GPATCH2L: variants seen among roughly 807,000 people sequenced by gnomAD.
GPATCH2L encodes the protein G-patch domain containing 2 like, also known as G patch domain-containing protein 2-like.
In GPATCH2L, 31 loss-of-function variants were observed where a neutral mutation model predicts 57.4. That is an observed-to-expected ratio of 0.54 (90% CI 0.41 to 0.73). The LOEUF (loss-of-function observed/expected upper bound fraction) is 0.73, where lower values mean the gene tolerates loss of function less well. GPATCH2L is among the 30% of genes least tolerant of loss of function. GPATCH2L has a pLI of 0.00. For missense variants in GPATCH2L, 481 were observed against 599.9 expected (o/e 0.80, Z 2.07); for synonymous variants, 199 against 210.7 (o/e 0.94, Z 0.48).
Position 76,204,688 on chromosome 14 carries a change from GCT to G in GPATCH2L, c.*2839_*2840del, listed in dbSNP as rs1352682357. 1 of 152,188 alleles carries G rather than the reference GCT, an allele frequency of 6.6e-6. No homozygotes were observed. Among genetic ancestry groups the G allele is most frequent in the Non-Finnish European group, 1.5e-5 (1 of 68,038 alleles). 9.4% of individuals were successfully genotyped at this position (152,188 alleles called of 1,614,324 possible). On this transcript the variant is annotated 3_prime_UTR_variant, in exon 10 of 10. Coordinates refer to ENST00000261530, the MANE Select transcript of GPATCH2L (RefSeq NM_017926.4). The stretch of plus-strand genomic sequence containing the variant: ...GACTTACTTTGAGGATGATCCTTGA[GCT>G]CATGTATTTGATCTGCTCAAAAGTA...
In GPATCH2L at chr14:76,212,353, G is replaced by GT. The variant is rs2040450735; in HGVS notation, c.*10504dup. On this transcript the variant is annotated 3_prime_UTR_variant, in exon 10 of 10. Coordinates refer to ENST00000261530, the MANE Select transcript of GPATCH2L (RefSeq NM_017926.4). ...CAAGCAAACACAAACAAGAAAATGA[G>GT]TTGTAGTCTGCATATCAGGCAAGGT... 6.6e-6 allele frequency: 1 copy of GT among 151,374 alleles called. No individual in the cohort carries two copies. The highest frequency in any genetic ancestry group is 2.1e-4 in the South Asian group (1 of 4,784). The allele number at this position is 151,374 out of a possible 1,614,324, so 9.4% of individuals were successfully genotyped here.
chr14:76,229,919 C>G (rs189409152), exon 2 of GPATCH2L: 2 of 152,636 alleles, frequency 1.3e-5, no homozygotes, highest in African/African-American at 4.8e-5. Context: ...CTCCACCTTC[C>G]CGTCAGTTTC....
chr14:76,181,925 G>C (rs2039573877), intron 8 of GPATCH2L, among the ~76,000 whole-genome samples: 1 of 152,078 alleles, frequency 6.6e-6, no homozygotes, highest in Admixed American at 6.5e-5. Flanking sequence ...TACTTTCATG[G>C]ATACAGTTAG....
chr14:76,213,142 G>A lies in GPATCH2L; in HGVS notation c.*11291G>A, dbSNP rs1281027285. 2.6e-5 allele frequency: 4 copies of A among 151,980 alleles called. No homozygotes were observed. The highest frequency in any genetic ancestry group is 9.7e-5 in the African/African-American group (4 of 41,394). 9.4% of individuals were successfully genotyped at this position (151,980 alleles called of 1,614,324 possible). A position where few individuals can be genotyped will look rare whatever the true frequency, so the allele number is the denominator to read the frequency against. ...TTAATTAGAAAAATGAGGAAACAAA[G>A]CTAATTTTTAAAATATGTAGTAAAA... On this transcript the variant is annotated 3_prime_UTR_variant, in exon 10 of 10. Transcript: ENST00000261530.
chr14:76,214,111 A>G lies in GPATCH2L; in HGVS notation c.*12260A>G, dbSNP rs1174545430. ...TGTGAACTTTAGTATCAACTTGTCT[A>G]AATTCATTTTTTAAGGTACATTGGT... On this transcript the variant is annotated 3_prime_UTR_variant, in exon 10 of 10. Coordinates refer to ENST00000261530, the MANE Select transcript of GPATCH2L (RefSeq NM_017926.4). 6.6e-6 allele frequency: 1 copy of G among 152,204 alleles called. No individual in the cohort carries two copies. Among genetic ancestry groups the G allele is most frequent in the East Asian group, 1.9e-4 (1 of 5,202 alleles). The allele number at this position is 152,204 out of a possible 1,614,324, so 9.4% of individuals were successfully genotyped here. A position where few individuals can be genotyped will look rare whatever the true frequency, so the allele number is the denominator to read the frequency against.
At chr14:76,218,049 G>A (rs1338736744), downstream of GPATCH2L, among the ~76,000 whole-genome samples, 1 of 152,100 alleles carries the variant, frequency 6.6e-6, no homozygotes, top group Non-Finnish European at 1.5e-5. Flanking sequence ...TTTAATATTA[G>A]GAATAGCTGG....
At chr14:76,235,058 C>T (rs573538457) in intron 2 of GPATCH2L, 1 of 151,624 alleles carries the variant, frequency 6.6e-6, no homozygotes, top group East Asian at 1.9e-4. Context: ...ATCCCAGCTA[C>T]TTGGGAGGCT....
intron 8 of GPATCH2L, among the ~76,000 whole-genome samples, chr14:76,191,798 A>G (rs781310531): frequency 6.6e-6 from 1 of 152,152 alleles, no homozygotes; most frequent in African/African-American, 2.4e-5. Flanking sequence ...AGCATTCAAT[A>G]TCTTCCTTCT....
At chr14:76,219,090 TAAAAG>T (rs1233545775), downstream of GPATCH2L, among the ~76,000 whole-genome samples, 2 of 143,946 alleles carry the variant, frequency 1.4e-5, no homozygotes, top group South Asian at 2.2e-4. Context: ...CCAGAAGCCA[TAAAAG>T]AAAAGATTGC....
intron 1 of GPATCH2L, among the ~76,000 whole-genome samples, chr14:76,229,654 C>A (rs914475974): frequency 6.6e-6 from 1 of 152,062 alleles, no homozygotes; most frequent in Non-Finnish European, 1.5e-5. Context: ...CCAGCAATAA[C>A]CCTGATTTTC....
downstream of GPATCH2L, among the ~76,000 whole-genome samples, chr14:76,215,784 G>A (rs1287746316): frequency 1.9e-5 from 2 of 103,004 alleles, no homozygotes; most frequent in East Asian, 6.8e-4. Context: ...GGGGAGGGGG[G>A]AGGGATGGCA....
At chr14:76,182,627 T>C (rs1594960129) in intron 8 of GPATCH2L, among the ~76,000 whole-genome samples, 1 of 150,004 alleles carries the variant, frequency 6.7e-6, no homozygotes, top group Non-Finnish European at 1.5e-5. Flanking sequence ...TGGAAAATTG[T>C]GGAATGATAT....
intron 8 of GPATCH2L, among the ~76,000 whole-genome samples, chr14:76,187,824 A>C (rs1000969535): frequency 6.6e-6 from 1 of 151,920 alleles, no homozygotes; most frequent in Admixed American, 6.6e-5. Flanking sequence ...TCATTCTTTC[A>C]ATTTTTTTAT....
At chr14:76,191,631 T>C (rs1235163135) in intron 8 of GPATCH2L, among the ~76,000 whole-genome samples, 1 of 152,174 alleles carries the variant, frequency 6.6e-6, no homozygotes. Context: ...TTTCTTCCTC[T>C]TCTTTTTAAA....
At chr14:76,201,669 C>T (rs2040313117) in intron 9 of GPATCH2L, 22 bp from the exon 10 acceptor site, 2 of 1,545,846 alleles carry the variant, frequency 1.3e-6, no homozygotes, top group African/African-American at 2.8e-5. Flanking sequence ...TGTTTTGCTC[C>T]TCTCTGTTGT....
intron 3 of GPATCH2L, among the ~76,000 whole-genome samples, chr14:76,168,627 C>T (rs557215173): frequency 2.0e-5 from 3 of 152,238 alleles, no homozygotes; most frequent in East Asian, 1.9e-4. Flanking sequence ...TGCCAGGTGA[C>T]CAGGCTAGAC....
chr14:76,171,825 A>G lies in GPATCH2L; in HGVS notation c.728-18A>G. 2 of 1,488,044 alleles carry G rather than the reference A, an allele frequency of 1.3e-6. No homozygotes were observed. Among genetic ancestry groups the G allele is most frequent in the Non-Finnish European group, 1.8e-6 (2 of 1,102,362 alleles). The allele number at this position is 1,488,044 out of a possible 1,614,324, so 92.2% of individuals were successfully genotyped here. A position where few individuals can be genotyped will look rare whatever the true frequency, so the allele number is the denominator to read the frequency against. ...CTTGTTTAAAATTCTAGCTTATGATATGATGTCTTTACTTTAGGTGATGAC... is the reference window on the plus strand; with the variant it reads ...CTTGTTTAAAATTCTAGCTTATGATGTGATGTCTTTACTTTAGGTGATGAC... On this transcript the variant is annotated intron_variant, in intron 3 of 9. Coordinates refer to ENST00000261530, the MANE Select transcript of GPATCH2L (RefSeq NM_017926.4).
intron 8 of GPATCH2L, among the ~76,000 whole-genome samples, chr14:76,182,793 T>C (rs750540275): frequency 1.2e-4 from 19 of 152,032 alleles, no homozygotes; most frequent in Non-Finnish European, 2.6e-4. Context: ...GTATGGAAGT[T>C]GACAACTACA....
intron 6 of GPATCH2L, 70 bp from the exon 7 acceptor site, chr14:76,177,916 AAG>A (rs749495575): frequency 2.5e-6 from 4 of 1,601,342 alleles, no homozygotes; most frequent in Admixed American, 1.7e-5. Context: ...CAGCTGGGAA[AAG>A]AGAACGAAAT....
Sources: allele counts gnomAD v4.1 joint callset (sites outside exome capture counted in the v4.1 genomes callset), GRCh38; gene constraint gnomAD v4.1.1; transcripts MANE v1.5; gene names NCBI Gene and HGNC (gene_info 2026-07-23, HGNC 2026-07-21).